Variants in LRMDA observed in about 807,000 individuals in gnomAD.
The protein encoded by LRMDA is leucine rich melanocyte differentiation associated.
A neutral mutation model predicts 29.8 loss-of-function variants in LRMDA; 18 were observed. The observed-to-expected ratio is 0.60, with a 90% confidence interval of 0.42 to 0.90. LRMDA has a LOEUF of 0.90. LRMDA is among the 40% of genes least tolerant of loss of function. LRMDA has a pLI of 0.00. For synonymous variants in LRMDA, 125 were observed against 109.4 expected (o/e 1.14, Z -0.89); for missense variants, 273 against 273.9 (o/e 1.00, Z 0.02).
chr10:75,493,351 GT>G (rs1223706223), intron 2 of LRMDA, among the ~76,000 whole-genome samples: 114 of 141,282 alleles, frequency 8.1e-4, no homozygotes, highest in African/African-American at 2.5e-3. Flanking sequence ...GAGATTGGGT[GT>G]GTGTGTGTGT....
chr10:76,234,705 C>A (rs1340094506), intron 5 of LRMDA, among the ~76,000 whole-genome samples: 2 of 152,180 alleles, frequency 1.3e-5, no homozygotes, highest in African/African-American at 4.8e-5. Context: ...ATGAAGACAG[C>A]GTCTTTCCTT....
intron 2 of LRMDA, among the ~76,000 whole-genome samples, chr10:75,819,791 G>A (rs184944342): frequency 0.01 from 1,526 of 152,130 alleles, 26 homozygotes; most frequent in African/African-American, 0.035. Context: ...GAAAATGGTG[G>A]ATCTAGACCT....
chr10:75,668,774 G>A (rs970239524), intron 2 of LRMDA, among the ~76,000 whole-genome samples: 6 of 152,158 alleles, frequency 3.9e-5, no homozygotes, highest in African/African-American at 1.4e-4. Context: ...TTCTTAGAGC[G>A]TTCTTGTGTT....
intron 5 of LRMDA, among the ~76,000 whole-genome samples, chr10:76,251,076 AAG>A (rs796223947): frequency 8.5e-5 from 13 of 152,298 alleles, no homozygotes; most frequent in African/African-American, 2.9e-4. Context: ...ACAGCCAAGG[AAG>A]AGAGAGTGGG....
chr10:75,511,357 G>C (rs1845224057), intron 2 of LRMDA, among the ~76,000 whole-genome samples: 2 of 152,030 alleles, frequency 1.3e-5, no homozygotes, highest in African/African-American at 4.8e-5. Flanking sequence ...AAAAACCAAA[G>C]AGAATATTGG....
At chr10:76,229,426 G>A (rs918263936) in intron 5 of LRMDA, among the ~76,000 whole-genome samples, 1 of 152,218 alleles carries the variant, frequency 6.6e-6, no homozygotes, top group Non-Finnish European at 1.5e-5. Flanking sequence ...GTCCTGGGAC[G>A]AAGTCTGTCT....
chr10:76,254,365 T>C (rs1852548886), intron 5 of LRMDA, among the ~76,000 whole-genome samples: 1 of 142,636 alleles, frequency 7.0e-6, no homozygotes, highest in South Asian at 2.3e-4. Flanking sequence ...TATCCTATGC[T>C]ATGCTATGCT....
chr10:75,570,372 G>A (rs1266546801), intron 2 of LRMDA, among the ~76,000 whole-genome samples: 1 of 152,146 alleles, frequency 6.6e-6, no homozygotes, highest in African/African-American at 2.4e-5. Flanking sequence ...ATACAGTGGT[G>A]GACAGGAGAG....
chr10:76,116,080 G>T (rs1010520368), intron 5 of LRMDA, among the ~76,000 whole-genome samples: 2 of 152,152 alleles, frequency 1.3e-5, no homozygotes, highest in Non-Finnish European at 2.9e-5. Context: ...GCCACTGCAG[G>T]CCCTGTGGGT....
At chr10:76,262,469 C>T (rs1223610056) in intron 5 of LRMDA, among the ~76,000 whole-genome samples, 1 of 152,166 alleles carries the variant, frequency 6.6e-6, no homozygotes, top group Admixed American at 6.5e-5. Flanking sequence ...GTTCTGGCTC[C>T]GGCACCGTGT....
At chr10:76,012,942 G>A (rs1432957878) in intron 2 of LRMDA, among the ~76,000 whole-genome samples, 1 of 152,202 alleles carries the variant, frequency 6.6e-6, no homozygotes, top group Non-Finnish European at 1.5e-5. Flanking sequence ...AGATAAAGGA[G>A]AAAGTGAGGG....
At chr10:75,576,039 G>C (rs890340795) in intron 2 of LRMDA, among the ~76,000 whole-genome samples, 1 of 151,314 alleles carries the variant, frequency 6.6e-6, no homozygotes, top group Admixed American at 6.6e-5. Context: ...CCCCTGAAAA[G>C]TGGGCTGAAG....
chr10:76,359,416 G>C (rs1399415318), intron 6 of LRMDA, among the ~76,000 whole-genome samples: 1 of 152,146 alleles, frequency 6.6e-6, no homozygotes, highest in Non-Finnish European at 1.5e-5. Flanking sequence ...GGTTACATTA[G>C]TGCTGATGAC....
rs1475135807 is a variant in LRMDA at position 76,557,570 on chromosome 10, A to G, written c.*282A>G. 1.4e-5 allele frequency: 7 copies of G among 486,396 alleles called. No homozygotes were observed. Among genetic ancestry groups the G allele is most frequent in the East Asian group, 1.1e-4 (3 of 27,058 alleles). 30.1% of individuals were successfully genotyped at this position (486,396 alleles called of 1,614,324 possible). On this transcript the variant is annotated 3_prime_UTR_variant, in exon 7 of 7. Transcript: ENST00000611255. ...GTGGCAAAGCAACAGGGCTGACAGC[A>G]TGAACACCATGATAGATTGCCTGGT...
chr10:75,598,953 C>T (rs541910404), intron 2 of LRMDA, among the ~76,000 whole-genome samples: 3 of 152,100 alleles, frequency 2.0e-5, no homozygotes, highest in East Asian at 1.9e-4. Flanking sequence ...GTATGATTTC[C>T]GCTGATTTTG....
At chr10:76,509,830 G>A (rs1034257792) in intron 6 of LRMDA, among the ~76,000 whole-genome samples, 3 of 152,128 alleles carry the variant, frequency 2.0e-5, no homozygotes, top group African/African-American at 7.2e-5. Flanking sequence ...CACAATGAGT[G>A]AAAATATGTG....
intron 2 of LRMDA, among the ~76,000 whole-genome samples, chr10:75,741,388 ATC>A (rs955104213): frequency 6.6e-6 from 1 of 151,626 alleles, no homozygotes; most frequent in Non-Finnish European, 1.5e-5. Context: ...TACCTTTCTG[ATC>A]TCTCTGACAT....
chr10:75,687,741 G>A (rs1842099990), intron 2 of LRMDA, among the ~76,000 whole-genome samples: 1 of 152,218 alleles, frequency 6.6e-6, no homozygotes, highest in Non-Finnish European at 1.5e-5. Context: ...TAGCAAGAGA[G>A]GAGAAGTGAA....
intron 2 of LRMDA, among the ~76,000 whole-genome samples, chr10:75,981,270 T>C (rs1269641727): frequency 6.6e-6 from 1 of 152,206 alleles, no homozygotes; most frequent in Admixed American, 6.5e-5. Context: ...GGAAGATATG[T>C]TTTCTGGGTT....
Sources: allele counts gnomAD v4.1 joint callset (sites outside exome capture counted in the v4.1 genomes callset), GRCh38; gene constraint gnomAD v4.1.1; transcripts MANE v1.5; gene names NCBI Gene and HGNC (gene_info 2026-07-23, HGNC 2026-07-21).